The following TMCC3 variants were observed in gnomAD, a reference collection of about 807,000 sequenced individuals.
TMCC3 encodes the protein transmembrane and coiled-coil domain protein 3.
In TMCC3, 28 loss-of-function variants were observed where a neutral mutation model predicts 40.2. The ratio of observed to expected loss-of-function variants is 0.70; its 90% CI spans 0.52 to 0.95. The LOEUF (loss-of-function observed/expected upper bound fraction) is 0.95, where lower values mean the gene tolerates loss of function less well. Ranked by LOEUF, TMCC3 falls within the 40% of genes least tolerant of loss-of-function variation. The pLI is 0.00. For synonymous variants in TMCC3, 255 were observed against 248.5 expected (o/e 1.03, Z -0.25); for missense variants, 554 against 615.2 (o/e 0.90, Z 1.05).
Position 94,578,415 on chromosome 12 carries a change from G to A in TMCC3, c.1110C>T (p.Tyr370=), listed in dbSNP as rs780930400. 6.2e-6 allele frequency: 10 copies of A among 1,613,884 alleles called. No homozygotes were observed. The highest frequency in any genetic ancestry group is 2.7e-5 in the African/African-American group (2 of 74,896). ...SIEEKVAYQA[Y]ERSRDIQEAL... ...GTACCTGGATGTCCCGCGAGCGCTC[G>A]TAGGCCTGGTAGGCCACCTTCTCCT... Residue 370 remains tyrosine (Y), a synonymous_variant, in exon 3 of 4, where the codon TAC becomes TAT. Transcript: ENST00000261226.
At chr12:94,577,127 C>T (rs891858625) in intron 3 of TMCC3, among the ~76,000 whole-genome samples, 1 of 152,144 alleles carries the variant, frequency 6.6e-6, no homozygotes, top group Non-Finnish European at 1.5e-5. Context: ...GTATTGAGCA[C>T]ACAGTATGTA....
chr12:94,586,071 C>T (rs553898927), intron 1 of TMCC3, among the ~76,000 whole-genome samples: 1 of 152,324 alleles, frequency 6.6e-6, no homozygotes, highest in South Asian at 2.1e-4. Flanking sequence ...ATAGCCCTGA[C>T]AATTCCAGGT....
intron 1 of TMCC3, 98 bp from the exon 2 acceptor site, chr12:94,582,636 C>T: frequency 8.7e-7 from 1 of 1,152,050 alleles, no homozygotes; most frequent in South Asian, 1.5e-5. Context: ...CATGAAGTCC[C>T]AGTTTTTCGA....
At chr12:94,628,519 T>C (rs1201789817) in intron 1 of TMCC3, among the ~76,000 whole-genome samples, 1 of 152,220 alleles carries the variant, frequency 6.6e-6, no homozygotes, top group Non-Finnish European at 1.5e-5. Flanking sequence ...GGGTGAACTC[T>C]GAACCTGCCT....
intron 1 of TMCC3, among the ~76,000 whole-genome samples, chr12:94,590,253 C>T (rs146041814): frequency 0.02 from 2,802 of 137,972 alleles, 107 homozygotes; most frequent in African/African-American, 0.072. Flanking sequence ...GCCACCACGC[C>T]CTGCTAATTT....
intron 1 of TMCC3, among the ~76,000 whole-genome samples, chr12:94,646,623 G>A (rs1390257491): frequency 1.3e-5 from 2 of 151,678 alleles, no homozygotes; most frequent in Non-Finnish European, 2.9e-5. Context: ...ATTTTTAGTA[G>A]AGACAGGGTT....
chr12:94,594,800 T>C (rs1462285560), intron 1 of TMCC3, among the ~76,000 whole-genome samples: 5 of 152,182 alleles, frequency 3.3e-5, no homozygotes, highest in Non-Finnish European at 5.9e-5. Context: ...CCACCTCACT[T>C]ACCCCTAAAA....
At chr12:94,589,114 C>A (rs7302028) in intron 1 of TMCC3, among the ~76,000 whole-genome samples, 1 of 149,404 alleles carries the variant, frequency 6.7e-6, no homozygotes, top group Non-Finnish European at 1.5e-5. Flanking sequence ...TGAGCCACCA[C>A]GCCTGGCCAG....
At chr12:94,630,305 A>C (rs773049265) in intron 1 of TMCC3, among the ~76,000 whole-genome samples, 2 of 151,812 alleles carry the variant, frequency 1.3e-5, no homozygotes, top group Non-Finnish European at 2.9e-5. Context: ...GCAGAGGAGG[A>C]AAATAAAACC....
At chr12:94,644,579 C>T (rs1332001431) in intron 1 of TMCC3, among the ~76,000 whole-genome samples, 1 of 152,204 alleles carries the variant, frequency 6.6e-6, no homozygotes, top group Non-Finnish European at 1.5e-5. Flanking sequence ...GAAAAACACA[C>T]ACCGCATCAC....
chr12:94,578,014 T>C (rs1381624350), intron 3 of TMCC3, among the ~76,000 whole-genome samples: 3 of 151,506 alleles, frequency 2.0e-5, no homozygotes, highest in Non-Finnish European at 4.4e-5. Context: ...CCAGGCATGG[T>C]GGCATGTGCC....
Position 94,578,411 on chromosome 12 carries a change from G to A in TMCC3, c.1114C>T (p.Arg372Cys), listed in dbSNP as rs1166657054. 9.9e-6 allele frequency: 16 copies of A among 1,613,924 alleles called. No individual in the cohort carries two copies. The highest frequency in any genetic ancestry group is 3.3e-4 in the Middle Eastern group (2 of 6,058). Residue 372 changes from arginine to cysteine, a missense_variant, in exon 3 of 4, where the codon CGC (arginine) becomes TGC (cysteine). Transcript: ENST00000261226. ...EEKVAYQAYERSRDIQEALES... is the reference protein window; with the variant it reads ...EEKVAYQAYECSRDIQEALES... ...AAAGGTACCTGGATGTCCCGCGAGC[G>A]CTCGTAGGCCTGGTAGGCCACCTTC... is the stretch of plus-strand genomic sequence containing the variant.
chr12:94,614,351 G>A (rs10466950), intron 1 of TMCC3, among the ~76,000 whole-genome samples: 1,778 of 152,276 alleles, frequency 0.012, 44 homozygotes, highest in African/African-American at 0.041. Flanking sequence ...GTTACACACA[G>A]GAATGTGAAG....
chr12:94,601,084 T>C (rs530295003), intron 1 of TMCC3, among the ~76,000 whole-genome samples: 1 of 152,360 alleles, frequency 6.6e-6, no homozygotes, highest in South Asian at 2.1e-4. Flanking sequence ...TGTAAAATAC[T>C]ACTTATCTTT....
chr12:94,590,561 ATG>A (rs1216439542), intron 1 of TMCC3, among the ~76,000 whole-genome samples: 2 of 152,228 alleles, frequency 1.3e-5, no homozygotes, highest in Non-Finnish European at 2.9e-5. Context: ...AAGTGAGGCC[ATG>A]TGGGAAAAGG....
At chr12:94,598,719 A>G (rs2068733002) in intron 1 of TMCC3, 1 of 985,344 alleles carries the variant, frequency 1.0e-6, no homozygotes, top group African/African-American at 1.7e-5. Flanking sequence ...CCACAGCCAC[A>G]GACGTTTAAA....
chr12:94,622,840 C>T (rs1016001248), intron 1 of TMCC3, among the ~76,000 whole-genome samples: 2 of 149,666 alleles, frequency 1.3e-5, no homozygotes, highest in Non-Finnish European at 3.0e-5. Context: ...AAAAAAATTA[C>T]AAGGCAAAGA....
At position 94,593,386 on chromosome 12, in the gene TMCC3, A is replaced by AG. The variant is rs1205939176; in HGVS notation, c.79-10849dup. On this transcript the variant is annotated intron_variant, in intron 1 of 3. Coordinates refer to ENST00000261226, the MANE Select transcript of TMCC3 (RefSeq NM_020698.4). Reference sequence around the variant, plus strand: ...AAAAAAAAAAAAGAAAAGAAAAGAAAGAAGAAAGAAGAAAGAAGAAGAAGG... The same window carrying AG: ...AAAAAAAAAAAAGAAAAGAAAAGAAAGGAAGAAAGAAGAAAGAAGAAGAAGG... Among the ~76,000 whole-genome samples the AG allele has an allele frequency of 6.5e-3, 141 of 21,778 alleles. 42 individuals are homozygous for AG. Among genetic ancestry groups the AG allele is most frequent in the African/African-American group, 0.026 (89 of 3,464 alleles). 14.3% of individuals were successfully genotyped at this position (21,778 alleles called of 152,430 possible).
At chr12:94,602,810 G>A (rs1435829255) in intron 1 of TMCC3, among the ~76,000 whole-genome samples, 1 of 152,092 alleles carries the variant, frequency 6.6e-6, no homozygotes, top group African/African-American at 2.4e-5. Context: ...ACATAATCAA[G>A]TTTGAATTGT....
Sources: gnomAD v4.1 joint callset for allele counts (sites outside exome capture counted in the v4.1 genomes callset) on GRCh38, gnomAD v4.1.1 for gene constraint, MANE v1.5 for transcripts, NCBI Gene and HGNC (gene_info 2026-07-23, HGNC 2026-07-21) for gene names.